The following SEC16A variants were observed in gnomAD, a reference collection of about 807,000 sequenced individuals.
SEC16A encodes the protein SEC16 homolog A, endoplasmic reticulum export factor, also known as protein transport protein Sec16A.
In SEC16A, 110 loss-of-function variants were observed where a neutral mutation model predicts 221.9. The ratio of observed to expected loss-of-function variants is 0.50; its 90% confidence interval spans 0.42 to 0.58. The LOEUF is 0.58. Ranked by LOEUF, SEC16A falls within the 20% of genes least tolerant of loss-of-function variation. The pLI, the probability that SEC16A is intolerant of heterozygous loss-of-function variation, is 0.00. For missense variants in SEC16A, 3,165 were observed against 3,097.8 expected (o/e 1.02, Z -0.52); for synonymous variants, 1,393 against 1,257.7 (o/e 1.11, Z -2.28).
chr9:136,464,771 A>G (rs1216834994), intron 8 of SEC16A, among the ~76,000 whole-genome samples: 1 of 152,238 alleles, frequency 6.6e-6, no homozygotes, highest in Non-Finnish European at 1.5e-5. Flanking sequence ...ATCATTAAGC[A>G]TGAAAGCTGT....
At chr9:136,457,728 A>G (rs1024457915) in intron 17 of SEC16A, 144 bp from the exon 18 acceptor site, 5 of 1,027,102 alleles carry the variant, frequency 4.9e-6, no homozygotes, top group Admixed American at 5.4e-5. Context: ...TTCACTCATC[A>G]TCGTCTCCCA....
chr9:136,458,229 A>G (rs1026184524), intron 17 of SEC16A, among the ~76,000 whole-genome samples: 2 of 148,062 alleles, frequency 1.4e-5, no homozygotes, highest in African/African-American at 5.0e-5. Flanking sequence ...TTGGCCTCCT[A>G]AAGTGCTGGG....
rs577286096 is a variant in SEC16A at position 136,482,851 on chromosome 9, G to C, written c.-192+87C>G. ...GGCCCAGCCGCCTCCTCTCCTCCGCGCCCCGACCTCCACGGCCTGGCTCCG... is the reference window on the plus strand; with the variant it reads ...GGCCCAGCCGCCTCCTCTCCTCCGCCCCCCGACCTCCACGGCCTGGCTCCG... On this transcript the variant is annotated intron_variant, in intron 1 of 31. Transcript: ENST00000684901. 54 of 449,206 alleles carry C rather than the reference G, an allele frequency of 1.2e-4. No individual in the cohort carries two copies. In the Admixed American group the frequency reaches 1.6e-3, roughly 13 times the overall value. 27.8% of individuals were successfully genotyped at this position (449,206 alleles called of 1,614,324 possible).
rs768839479 is a variant in SEC16A at position 136,446,849 on chromosome 9, G to A, written c.6792+6C>T. ...ACCTTTCCCCTTTCCCACCGTACCC[G>A]CTCACCTTGGGCTCTGGGGCAGGCT... On this transcript the variant is annotated splice_donor_region_variant and intron_variant, in intron 28 of 31. Coordinates refer to ENST00000684901, the MANE Select transcript of SEC16A (RefSeq NM_014866.2). 12 of 1,595,780 alleles carry A rather than the reference G, an allele frequency of 7.5e-6. No homozygotes were observed. Among genetic ancestry groups the A allele is most frequent in the Admixed American group, 3.6e-5 (2 of 55,112 alleles).
In SEC16A at chr9:136,477,144, G is replaced by A. The variant is rs1381050697; in HGVS notation, c.472C>T (p.Leu158Phe). The A allele has an allele frequency of 1.2e-6, 2 of 1,613,896 alleles. No homozygotes were observed. The highest frequency in any genetic ancestry group is 1.7e-6 in the Non-Finnish European group (2 of 1,179,894). Reference protein sequence around the residue: ...SEPEVQTLPYLPHYIPGVDPE... With the variant: ...SEPEVQTLPYFPHYIPGVDPE... ...TCCACTCCTGGAATGTAGTGAGGAA[G>A]ATATGGCAGAGTCTGAACTTCAGGC... The change falls in exon 3 of 32, where the codon CTT (leucine) becomes TTT (phenylalanine). Residue 158 changes from leucine (L) to phenylalanine (F), a missense_variant. Coordinates refer to ENST00000684901, the MANE Select transcript of SEC16A (RefSeq NM_014866.2).
intron 3 of SEC16A, among the ~76,000 whole-genome samples, chr9:136,473,126 C>T (rs951597865): frequency 3.9e-5 from 6 of 152,370 alleles, no homozygotes; most frequent in African/African-American, 1.4e-4. Context: ...GAGGCCCAGC[C>T]CCATTCCCCG....
intron 31 of SEC16A, 55 bp downstream of exon 31, chr9:136,443,768 T>C: frequency 7.7e-7 from 1 of 1,296,074 alleles, no homozygotes; most frequent in South Asian, 1.2e-5. Context: ...AGCAGCAGGG[T>C]CAGGTCGTCA....
chr9:136,478,865 C>A (rs1338500988), intron 1 of SEC16A, among the ~76,000 whole-genome samples, 35 bp from the exon 2 acceptor site: 2 of 152,178 alleles, frequency 1.3e-5, no homozygotes, highest in South Asian at 2.1e-4. Flanking sequence ...AAAAGTGACA[C>A]AATCATTTTT....
intron 23 of SEC16A, among the ~76,000 whole-genome samples, chr9:136,449,666 G>C (rs1837520206): frequency 6.6e-6 from 1 of 152,196 alleles, no homozygotes; most frequent in African/African-American, 2.4e-5. Flanking sequence ...GAAGAAAGAG[G>C]AGAAGCCTCA....
Position 136,457,534 on chromosome 9 carries a change from C to T in SEC16A, c.5460G>A (p.Thr1820=), listed in dbSNP as rs932843943. Residue 1820 remains threonine (T), a synonymous_variant, in exon 18 of 32, where the codon ACG becomes ACA. Transcript: ENST00000684901. ...TGGCCTCACAGTAGTGGAAGGCTTG[C>T]GTGGCCAGCCCCATTTCCGCCAGGC... ...SCRLAEMGLA[T]QAFHYCEAIA... 2.6e-5 allele frequency: 42 copies of T among 1,610,244 alleles called. No individual in the cohort carries two copies. The highest frequency in any genetic ancestry group is 4.0e-5 in the African/African-American group (3 of 74,894).
At chr9:136,454,013 T>TTAACG in intron 21 of SEC16A, 96 bp downstream of exon 21, 1 of 1,177,736 alleles carries the variant, frequency 8.5e-7, no homozygotes. Context: ...TGTAAGTTGT[T>TTAACG]TCAAGCTCAA....
In SEC16A at chr9:136,451,124, TGTA is replaced by T. The variant is rs1365920937; in HGVS notation, c.6312+129_6312+131del. 3.3e-6 allele frequency: 3 copies of T among 916,696 alleles called. No individual in the cohort carries two copies. The Admixed American group carries it at 7.1e-5, about 22-fold the overall frequency. The allele number at this position is 916,696 out of a possible 1,614,324, so 56.8% of individuals were successfully genotyped here. On this transcript the variant is annotated intron_variant, in intron 23 of 31. Transcript: ENST00000684901. ...CAGACACCCATCATGCCGTGTGCAC[TGTA>T]GACACTCGGCTGTTTGTATCAGGAG...
At chr9:136,471,466 C>T (rs1231874523) in intron 4 of SEC16A, among the ~76,000 whole-genome samples, 1 of 152,016 alleles carries the variant, frequency 6.6e-6, no homozygotes, top group Non-Finnish European at 1.5e-5. Flanking sequence ...AGAGTGAGAC[C>T]TGCCTTAAAA....
chr9:136,464,280 T>C (rs1299940689), intron 9 of SEC16A, 140 bp downstream of exon 9: 3 of 825,636 alleles, frequency 3.6e-6, no homozygotes, highest in Non-Finnish European at 5.3e-6. Context: ...ACCCTACAAA[T>C]TGAAAATTCA....
Position 136,468,430 on chromosome 9 carries a change from G to A in SEC16A, c.3787C>T (p.Gln1263Ter), listed in dbSNP as rs1840423361. The A allele has an allele frequency of 6.2e-7, 1 of 1,610,898 alleles. No homozygotes were observed. The highest frequency in any genetic ancestry group is 8.5e-7 in the Non-Finnish European group (1 of 1,177,180). ...CTTGACATACCTCCATAATCGTACTGGCTGGAGTAATAGCTTGCATAGTAA... is the reference window on the plus strand; with the variant it reads ...CTTGACATACCTCCATAATCGTACTAGCTGGAGTAATAGCTTGCATAGTAA... ...SDYYASYYSS[Q>*]YDYGDPGHWD... Residue 1263 changes from glutamine to a stop codon, truncating the protein, a stop_gained, in exon 5 of 32, where the codon CAG becomes TAG. Transcript: ENST00000684901. LOFTEE classifies it high-confidence loss of function.
At position 136,460,085 on chromosome 9, in the gene SEC16A, G is replaced by A; in HGVS notation, c.5030C>T (p.Thr1677Ile). ...NSLPINDPLQ[T>I]VYQLMSGRMP... is the part of the protein sequence containing the mutation. ...CCGTCCGGACATGAGCTGGTAGACT[G>A]TCTGCAGAGGGTCGTTGATTGGGAG... Residue 1677 changes from threonine to isoleucine, a missense_variant, in exon 14 of 32, where the codon ACA becomes ATA. By Grantham distance (89) the Thr-to-Ile change is moderately conservative. Transcript: ENST00000684901. The A allele has an allele frequency of 6.2e-7, 1 of 1,607,962 alleles. No homozygotes were observed. Among genetic ancestry groups the A allele is most frequent in the East Asian group, 2.2e-5 (1 of 44,638 alleles).
Position 136,474,046 on chromosome 9 carries a change from T to C in SEC16A, c.3567+3A>G. 1 of 1,596,282 alleles carries C rather than the reference T, an allele frequency of 6.3e-7. No individual in the cohort carries two copies. The highest frequency in any genetic ancestry group is 8.6e-7 in the Non-Finnish European group (1 of 1,169,570). ...TGGGTTACACATACGACTCGACTCTTACCTGGTAATAGAGGGAGGCTGCGC... is the reference window on the plus strand; with the variant it reads ...TGGGTTACACATACGACTCGACTCTCACCTGGTAATAGAGGGAGGCTGCGC... On this transcript the variant is annotated splice_donor_region_variant and intron_variant, in intron 3 of 31. Coordinates refer to ENST00000684901, the MANE Select transcript of SEC16A (RefSeq NM_014866.2).
rs1002092257 is a variant in SEC16A at position 136,447,761 on chromosome 9, G to A, written c.6448-81C>T. 6.5e-7 allele frequency: 1 copy of A among 1,545,056 alleles called. No homozygotes were observed. Among genetic ancestry groups the A allele is most frequent in the African/African-American group, 1.4e-5 (1 of 73,360 alleles). Reference sequence around the variant, plus strand: ...ATGGCACAGTCAGGAGGCTCCAAAAGGGGCAACAGCCACCCAAATATCACA... The same window carrying A: ...ATGGCACAGTCAGGAGGCTCCAAAAAGGGCAACAGCCACCCAAATATCACA... On this transcript the variant is annotated intron_variant, in intron 25 of 31. Transcript: ENST00000684901. The surrounding 1 kb of genome is among the most constrained non-coding windows in gnomAD (Gnocchi z 5.5).
chr9:136,450,523 CAA>C (rs921467960), intron 23 of SEC16A, among the ~76,000 whole-genome samples: 7 of 151,764 alleles, frequency 4.6e-5, no homozygotes, highest in Non-Finnish European at 8.8e-5. Flanking sequence ...AGCACTGCCC[CAA>C]AAGAGTGGTG....
Sources: gnomAD v4.1 joint callset for allele counts (sites outside exome capture counted in the v4.1 genomes callset) on GRCh38, gnomAD v4.1.1 for gene constraint, Gnocchi (gnomAD v3.1) non-coding constraint, MANE v1.5 for transcripts, NCBI Gene and HGNC (gene_info 2026-07-23, HGNC 2026-07-21) for gene names.